The following FAM227B variants were observed in gnomAD, a reference collection of about 807,000 sequenced individuals.
The protein encoded by FAM227B is protein FAM227B.
A neutral mutation model predicts 73.8 loss-of-function variants in FAM227B; 88 were observed. That is an observed-to-expected ratio of 1.19 (90% CI 1.00 to 1.42). The LOEUF is 1.42. FAM227B is among the 40% of genes most tolerant of loss of function. The pLI, the probability that FAM227B is intolerant of heterozygous loss-of-function variation, is 0.00. For synonymous variants in FAM227B, 210 were observed against 190.5 expected, an observed-to-expected ratio of 1.10 and a Z score of -0.84; for missense variants, 632 against 590.9, an observed-to-expected ratio of 1.07 and a Z score of -0.72.
intron 15 of FAM227B, chr15:49,329,633 A>C (rs2038215588): frequency 1.0e-6 from 1 of 984,942 alleles, no homozygotes; most frequent in Non-Finnish European, 1.2e-6. Context: ...AGAAAGGTAA[A>C]TGCTTGAGAA....
chr15:49,541,626 C>A, intron 10 of FAM227B, 54 bp downstream of exon 10: 4 of 1,323,628 alleles, frequency 3.0e-6, no homozygotes, highest in Non-Finnish European at 3.9e-6. Flanking sequence ...ATACTGCAAC[C>A]CCAAAATTTT....
intron 11 of FAM227B, among the ~76,000 whole-genome samples, chr15:49,494,256 AACACACAC>A (rs374477211): frequency 2.1e-5 from 3 of 140,602 alleles, no homozygotes; most frequent in East Asian, 2.3e-4. Flanking sequence ...GAGACACACA[AACACACAC>A]ACACACACAC....
At position 49,596,744 on chromosome 15, in the gene FAM227B, G is replaced by A. The variant is rs2076908412; in HGVS notation, c.106-6737C>T. ...TCAAGAGACTCACCTAACACATAAAGACTCACATAAACTTAAGGTAAAGGG... is the reference window on the plus strand; with the variant it reads ...TCAAGAGACTCACCTAACACATAAAAACTCACATAAACTTAAGGTAAAGGG... On this transcript the variant is annotated intron_variant, in intron 3 of 15. Transcript: ENST00000299338. Among the ~76,000 whole-genome samples, 3 of 151,970 alleles carry A rather than the reference G, an allele frequency of 2.0e-5. No homozygotes were observed. The South Asian group carries it at 6.2e-4, about 32-fold the overall frequency.
intron 11 of FAM227B, among the ~76,000 whole-genome samples, chr15:49,418,316 T>C (rs1401561481): frequency 1.1e-4 from 17 of 152,208 alleles, no homozygotes; most frequent in Admixed American, 1.1e-3. Flanking sequence ...ACTGGGTATG[T>C]ACCCAAAGGA....
chr15:49,595,971 T>C (rs905339460), intron 3 of FAM227B, among the ~76,000 whole-genome samples: 3 of 152,042 alleles, frequency 2.0e-5, no homozygotes, highest in African/African-American at 7.2e-5. Flanking sequence ...TCTGAGATTA[T>C]GTTACATGAC....
intron 3 of FAM227B, among the ~76,000 whole-genome samples, chr15:49,608,465 G>T (rs1418419258): frequency 6.6e-6 from 1 of 151,978 alleles, no homozygotes; most frequent in Admixed American, 6.6e-5. Flanking sequence ...ATGTCCCAAA[G>T]CCCAAGAGAC....
intron 11 of FAM227B, 123 bp from the exon 12 acceptor site, chr15:49,371,522 AAG>A (rs2045804835): frequency 2.0e-6 from 1 of 500,892 alleles, no homozygotes; most frequent in African/African-American, 2.0e-5. Flanking sequence ...AACATGGATA[AAG>A]AGTGTTAAGA....
intron 11 of FAM227B, among the ~76,000 whole-genome samples, chr15:49,410,189 T>C (rs1158137936): frequency 6.6e-6 from 1 of 152,152 alleles, no homozygotes; most frequent in Non-Finnish European, 1.5e-5. Context: ...TGGAAATTTG[T>C]CCTCTATTAT....
chr15:49,611,705 T>C (rs987012005), intron 2 of FAM227B, among the ~76,000 whole-genome samples: 1 of 152,252 alleles, frequency 6.6e-6, no homozygotes, highest in African/African-American at 2.4e-5. Context: ...GATATTTCAG[T>C]CTAATAGATA....
At chr15:49,454,994 T>C (rs1447620189) in intron 11 of FAM227B, among the ~76,000 whole-genome samples, 4 of 152,094 alleles carry the variant, frequency 2.6e-5, no homozygotes, top group African/African-American at 4.8e-5. Flanking sequence ...TGAGGTGGGA[T>C]GGAAAACAGG....
Position 49,467,187 on chromosome 15 carries a change from G to A in FAM227B, c.1012+41024C>T, listed in dbSNP as rs185021413. On this transcript the variant is annotated intron_variant, in intron 11 of 15. Coordinates refer to ENST00000299338, the MANE Select transcript of FAM227B (RefSeq NM_152647.3). ...AGTGGATGTGTAGTTTATCATCTAA[G>A]CTGCTGTCTCTGAATTAGATAAAGT... Among the ~76,000 whole-genome samples, 342 of 152,254 alleles carry A rather than the reference G, an allele frequency of 2.2e-3. 1 individual carries two copies. Among genetic ancestry groups the A allele is most frequent in the Non-Finnish European group, 3.5e-3 (239 of 67,978 alleles).
chr15:49,608,941 A>T (rs1307019166), intron 3 of FAM227B, among the ~76,000 whole-genome samples: 1 of 152,062 alleles, frequency 6.6e-6, no homozygotes, highest in Non-Finnish European at 1.5e-5. Flanking sequence ...TGAAGAACCA[A>T]AAAGAATTTT....
At chr15:49,517,068 T>C (rs941198934) in intron 10 of FAM227B, among the ~76,000 whole-genome samples, 1 of 152,200 alleles carries the variant, frequency 6.6e-6, no homozygotes, top group Non-Finnish European at 1.5e-5. Context: ...TTTACTCCAG[T>C]TGGACTTCTA....
chr15:49,512,316 A>G (rs1212874036), intron 10 of FAM227B, among the ~76,000 whole-genome samples: 4 of 152,234 alleles, frequency 2.6e-5, no homozygotes, highest in South Asian at 2.1e-4. Context: ...ATATTTTTCA[A>G]TTGTAGTGTT....
intron 11 of FAM227B, among the ~76,000 whole-genome samples, chr15:49,450,335 T>A (rs1248659033): frequency 6.6e-6 from 1 of 152,114 alleles, no homozygotes; most frequent in East Asian, 1.9e-4. Context: ...TTTATTGTGT[T>A]CCTGACTGTC....
chr15:49,480,265 G>A (rs989285943), intron 11 of FAM227B, among the ~76,000 whole-genome samples: 3 of 152,040 alleles, frequency 2.0e-5, no homozygotes, highest in African/African-American at 7.2e-5. Context: ...ACCCTAATAT[G>A]TGGAGGGATA....
chr15:49,361,759 C>T (rs1209893933), intron 13 of FAM227B, among the ~76,000 whole-genome samples: 1 of 152,120 alleles, frequency 6.6e-6, no homozygotes, highest in Non-Finnish European at 1.5e-5. Context: ...TGGGTATATA[C>T]TCAGTAATAG....
chr15:49,412,385 C>T (rs1845761530), intron 11 of FAM227B, among the ~76,000 whole-genome samples: 1 of 152,026 alleles, frequency 6.6e-6, no homozygotes, highest in South Asian at 2.1e-4. Context: ...TGCTAACATC[C>T]TTCTATGGAA....
intron 3 of FAM227B, among the ~76,000 whole-genome samples, chr15:49,601,566 A>C (rs558488370): frequency 2.0e-5 from 3 of 152,320 alleles, no homozygotes; most frequent in Non-Finnish European, 4.4e-5. Context: ...TGATATAGGC[A>C]TGCAATGCAT....
Sources: allele counts gnomAD v4.1 joint callset (sites outside exome capture counted in the v4.1 genomes callset), GRCh38; gene constraint gnomAD v4.1.1; transcripts MANE v1.5; gene names NCBI Gene and HGNC (gene_info 2026-07-23, HGNC 2026-07-21).